The following FAM83F variants were observed in gnomAD, a reference collection of about 807,000 sequenced individuals.
FAM83F encodes protein FAM83F.
In FAM83F, 45 loss-of-function variants were observed where a neutral mutation model predicts 42.9. The observed-to-expected ratio is 1.05, with a 90% CI of 0.83 to 1.35. The LOEUF (loss-of-function observed/expected upper bound fraction) is 1.35, where lower values mean the gene tolerates loss of function less well. Among genes scored for constraint, FAM83F ranks in the 40% most tolerant of loss-of-function variants. The pLI is 0.00. For missense variants in FAM83F, 617 were observed against 695.9 expected (o/e 0.89, Z 1.28); for synonymous variants, 306 against 298.3 (o/e 1.03, Z -0.27).
At chr22:40,000,945 T>C (rs1455570079) in intron 1 of FAM83F, among the ~76,000 whole-genome samples, 1 of 152,236 alleles carries the variant, frequency 6.6e-6, no homozygotes, top group Non-Finnish European at 1.5e-5. Flanking sequence ...CAAGTGGCCA[T>C]GCCACATGAG....
intron 1 of FAM83F, among the ~76,000 whole-genome samples, chr22:40,018,755 C>T (rs538460960): frequency 1.3e-5 from 2 of 152,244 alleles, no homozygotes; most frequent in South Asian, 4.1e-4. Flanking sequence ...CCATGCCCAG[C>T]CCATTTTTTG....
At chr22:40,001,787 C>T (rs1282252547) in intron 1 of FAM83F, among the ~76,000 whole-genome samples, 3 of 152,188 alleles carry the variant, frequency 2.0e-5, no homozygotes, top group African/African-American at 4.8e-5. Flanking sequence ...GTCATCTCTG[C>T]CTTTTTGCAG....
intron 1 of FAM83F, among the ~76,000 whole-genome samples, chr22:40,016,109 A>G (rs1481059905): frequency 2.0e-5 from 3 of 152,084 alleles, no homozygotes; most frequent in Admixed American, 6.5e-5. Flanking sequence ...AAATCAGGAG[A>G]GGGGGGGACA....
rs2067624080 is a variant in FAM83F at position 40,036,377 on chromosome 22, C to G, written c.*6812C>G. On this transcript the variant is annotated 3_prime_UTR_variant, in exon 5 of 5. Coordinates refer to ENST00000333407, the MANE Select transcript of FAM83F (RefSeq NM_138435.4). ...GGGAGAGAAAACCTGCCAGAGATGC[C>G]ATTTCGGAGCCACTCTGCTTGGCAG... 6.6e-6 allele frequency: 1 copy of G among 152,172 alleles called. No individual in the cohort carries two copies. The highest frequency in any genetic ancestry group is 2.4e-5 in the African/African-American group (1 of 41,434). The allele number at this position is 152,172 out of a possible 1,614,324, so 9.4% of individuals were successfully genotyped here. A position where few individuals can be genotyped will look rare whatever the true frequency, so the allele number is the denominator to read the frequency against.
At position 40,033,058 on chromosome 22, in the gene FAM83F, A is replaced by G. The variant is rs2067599553; in HGVS notation, c.*3493A>G. On this transcript the variant is annotated 3_prime_UTR_variant, in exon 5 of 5. Transcript: ENST00000333407. Reference sequence around the variant, plus strand: ...GTGTATTGGGGGAGTGGGTCTCATAAGGTTGTATGATGAGAAGCGCAAGTA... The same window carrying G: ...GTGTATTGGGGGAGTGGGTCTCATAGGGTTGTATGATGAGAAGCGCAAGTA... 1 of 151,990 alleles carries G rather than the reference A, an allele frequency of 6.6e-6. No individual in the cohort carries two copies. Among genetic ancestry groups the G allele is most frequent in the Non-Finnish European group, 1.5e-5 (1 of 68,000 alleles). The allele number at this position is 151,990 out of a possible 1,614,324, so 9.4% of individuals were successfully genotyped here. A position where few individuals can be genotyped will look rare whatever the true frequency, so the allele number is the denominator to read the frequency against.
At position 40,020,691 on chromosome 22, in the gene FAM83F, C is replaced by T. The variant is rs143865030; in HGVS notation, c.780-599C>T. 3.5e-3 allele frequency among the ~76,000 whole-genome samples: 531 copies of T among 152,122 alleles called. 8 individuals carry two copies. The highest frequency in any genetic ancestry group is 0.012 in the African/African-American group (499 of 41,500). On this transcript the variant is annotated intron_variant, in intron 3 of 4. Transcript: ENST00000333407. Reference sequence around the variant, plus strand: ...ATTTTAAAATAATTTAGCAGGAACACGAGAGACTGTATCTGTGTAATCTCT... The same window carrying T: ...ATTTTAAAATAATTTAGCAGGAACATGAGAGACTGTATCTGTGTAATCTCT...
At chr22:40,006,256 A>T (rs2067428121) in intron 1 of FAM83F, among the ~76,000 whole-genome samples, 1 of 150,720 alleles carries the variant, frequency 6.6e-6, no homozygotes, top group Non-Finnish European at 1.5e-5. Context: ...AAAAAAAAAG[A>T]TGCTATTGCA....
chr22:39,998,843 C>T (rs2067383544), intron 1 of FAM83F: 1 of 152,172 alleles, frequency 6.6e-6, no homozygotes. Flanking sequence ...CTGACCTATG[C>T]TACGCTAACA....
chr22:40,025,062 G>A (rs1033141517), intron 4 of FAM83F, among the ~76,000 whole-genome samples: 2 of 152,048 alleles, frequency 1.3e-5, no homozygotes, highest in Admixed American at 6.5e-5. Context: ...TGTGCCCTCC[G>A]CACAGGCTCC....
intron 1 of FAM83F, among the ~76,000 whole-genome samples, chr22:40,007,061 T>C (rs576603645): frequency 8.5e-5 from 13 of 152,086 alleles, no homozygotes; most frequent in Non-Finnish European, 1.6e-4. Context: ...GCACAAGGCC[T>C]CACAGCCTGC....
intron 4 of FAM83F, among the ~76,000 whole-genome samples, chr22:40,022,708 C>T (rs919499988): frequency 2.6e-5 from 4 of 152,138 alleles, no homozygotes; most frequent in East Asian, 1.9e-4. Context: ...TGGCTGGTGG[C>T]GGTGCCTTTC....
chr22:40,028,226 C>T (rs550482098), intron 4 of FAM83F, among the ~76,000 whole-genome samples: 2 of 152,278 alleles, frequency 1.3e-5, no homozygotes, highest in Admixed American at 6.5e-5. Context: ...CTGAAGAGCT[C>T]GTTCAGTCTG....
chr22:40,025,247 C>T (rs2067545193), intron 4 of FAM83F, among the ~76,000 whole-genome samples: 1 of 152,040 alleles, frequency 6.6e-6, no homozygotes, highest in Admixed American at 6.5e-5. Flanking sequence ...TAGCAAGTCC[C>T]CATCTCTTAA....
intron 1 of FAM83F, among the ~76,000 whole-genome samples, chr22:40,013,254 T>C (rs1275686580): frequency 6.6e-6 from 1 of 152,204 alleles, no homozygotes; most frequent in Non-Finnish European, 1.5e-5. Flanking sequence ...CACATTTAAG[T>C]ACTTAGCCTA....
intron 1 of FAM83F, among the ~76,000 whole-genome samples, chr22:40,001,409 C>T (rs1456582071): frequency 6.6e-6 from 1 of 152,124 alleles, no homozygotes; most frequent in African/African-American, 2.4e-5. Context: ...GAGGCCGAGG[C>T]GGGCAGATCG....
intron 1 of FAM83F, among the ~76,000 whole-genome samples, chr22:40,016,112 G>A (rs1264755170): frequency 1.3e-5 from 2 of 152,206 alleles, no homozygotes; most frequent in Non-Finnish European, 2.9e-5. Flanking sequence ...TCAGGAGAGG[G>A]GGGGACAACC....
Position 40,021,518 on chromosome 22 carries a change from G to A in FAM83F, c.1008G>A (p.Pro336=), listed in dbSNP as rs757440995. ...CCTTGGTGTCAGGCTGCCGCCACCC[G>A]CCTGGGGAGATGATGCGCTGGGCTG... The part of the protein sequence containing the change: ...KYALVSGCRH[P]PGEMMRWAAR... Residue 336 remains proline, a synonymous_variant, in exon 4 of 5, where the codon CCG becomes CCA. Coordinates refer to ENST00000333407, the MANE Select transcript of FAM83F (RefSeq NM_138435.4). This position sits in a 1 kb window ranked among gnomAD's most constrained non-coding sequence, Gnocchi z 8.7. The A allele has an allele frequency of 2.4e-5, 38 of 1,575,536 alleles. No individual in the cohort carries two copies. Among genetic ancestry groups the A allele is most frequent in the Admixed American group, 3.5e-5 (2 of 57,604 alleles).
At position 39,995,578 on chromosome 22, in the gene FAM83F, TCC is replaced by T. The variant is rs1323834697; in HGVS notation, c.489+50_489+51del. On this transcript the variant is annotated intron_variant, in intron 1 of 4. Coordinates refer to ENST00000333407, the MANE Select transcript of FAM83F (RefSeq NM_138435.4). This position sits in a 1 kb window ranked among gnomAD's most constrained non-coding sequence, Gnocchi z 4.6. ...CACACCGCTGGGACCTCGGCCCCAG[TCC>T]CCTGGACCGGGCCCCACCTCCCAGG... The T allele has an allele frequency of 1.3e-6, 2 of 1,483,498 alleles. No individual in the cohort carries two copies. Among genetic ancestry groups the T allele is most frequent in the Admixed American group, 4.5e-5 (2 of 44,562 alleles). 91.9% of individuals were successfully genotyped at this position (1,483,498 alleles called of 1,614,324 possible).
chr22:40,006,407 A>T (rs1269379087), intron 1 of FAM83F, among the ~76,000 whole-genome samples: 1 of 152,078 alleles, frequency 6.6e-6, no homozygotes, highest in Non-Finnish European at 1.5e-5. Context: ...TCCTGGATAG[A>T]TGGGGAGACA....
Sources: gnomAD v4.1 joint callset for allele counts (sites outside exome capture counted in the v4.1 genomes callset) on GRCh38, gnomAD v4.1.1 for gene constraint, Gnocchi (gnomAD v3.1) non-coding constraint, MANE v1.5 for transcripts, NCBI Gene and HGNC (gene_info 2026-07-23, HGNC 2026-07-21) for gene names.